Variants in LYPLAL1 observed in about 807,000 individuals in gnomAD.
LYPLAL1 encodes the protein lysophospholipase like 1.
In LYPLAL1, 23 loss-of-function variants were observed where a neutral mutation model predicts 19.7. That is an observed-to-expected ratio of 1.17 (90% CI 0.84 to 1.65). The LOEUF (loss-of-function observed/expected upper bound fraction) is 1.65, where lower values mean the gene tolerates loss of function less well. LYPLAL1 is among the 40% of genes most tolerant of loss of function. The probability of loss-of-function intolerance (pLI) is 0.00; values close to 1 mark genes in which losing one functional copy is unlikely to be tolerated. For missense variants in LYPLAL1, 355 were observed against 279.4 expected (o/e 1.27, Z -1.93); for synonymous variants, 119 against 96.3 (o/e 1.24, Z -1.38).
the LYPLAL1 span, among the ~76,000 whole-genome samples, chr1:219,330,080 G>C: frequency 6.6e-6 from 1 of 152,164 alleles, no homozygotes; most frequent in Non-Finnish European, 1.5e-5. Context: ...AAGCATGTGA[G>C]TTTTGATATC....
chr1:219,418,256 G>A, the LYPLAL1 span, among the ~76,000 whole-genome samples: 1 of 152,130 alleles, frequency 6.6e-6, no homozygotes, highest in Admixed American at 6.5e-5. Flanking sequence ...GTCCCCCACT[G>A]AGAGGACGGA....
chr1:219,220,174 T>TA, the LYPLAL1 span, among the ~76,000 whole-genome samples: 1 of 152,050 alleles, frequency 6.6e-6, no homozygotes, highest in African/African-American at 2.4e-5. Context: ...CTAGAGCATT[T>TA]AAAAAACATA....
At chr1:219,349,260 T>C in the LYPLAL1 span, among the ~76,000 whole-genome samples, 2 of 152,210 alleles carry the variant, frequency 1.3e-5, no homozygotes, top group Non-Finnish European at 2.9e-5. Context: ...AGGATGGTTA[T>C]AGACATATAG....
chr1:219,189,811 AT>A (rs1182310030), intron 2 of LYPLAL1, among the ~76,000 whole-genome samples: 129 of 151,792 alleles, frequency 8.5e-4, no homozygotes, highest in East Asian at 3.1e-3. Context: ...TTCCAAAAGG[AT>A]TTTTTAAGGA....
Position 219,210,630 on chromosome 1 carries a change from G to T in LYPLAL1, c.460G>T (p.Ala154Ser). 1 of 1,607,604 alleles carries T rather than the reference G, an allele frequency of 6.2e-7. No homozygotes were observed. The highest frequency in any genetic ancestry group is 8.5e-7 in the Non-Finnish European group (1 of 1,176,764). ...VFALSSFLNK[A>S]SAVYQALQKS... Reference sequence around the variant, plus strand: ...TGCTCTTTCTAGTTTTCTGAATAAAGCATCTGCTGTTTACCAGGTAAGTTC... The same window carrying T: ...TGCTCTTTCTAGTTTTCTGAATAAATCATCTGCTGTTTACCAGGTAAGTTC... Residue 154 changes from alanine to serine, a missense_variant, in exon 4 of 5, where the codon GCA becomes TCA. Transcript: ENST00000366928.
chr1:219,312,637 G>A, the LYPLAL1 span, among the ~76,000 whole-genome samples: 2 of 152,078 alleles, frequency 1.3e-5, no homozygotes, highest in Non-Finnish European at 2.9e-5. Flanking sequence ...GGCAACTAGG[G>A]GCTCTCTACC....
chr1:219,418,931 A>T, the LYPLAL1 span, among the ~76,000 whole-genome samples: 6 of 152,274 alleles, frequency 3.9e-5, no homozygotes, highest in African/African-American at 9.6e-5. Flanking sequence ...GGCTTCTTTT[A>T]TTCAGTAATA....
At chr1:219,205,151 A>T (rs951679824) in intron 3 of LYPLAL1, among the ~76,000 whole-genome samples, 1 of 151,824 alleles carries the variant, frequency 6.6e-6, no homozygotes, top group African/African-American at 2.4e-5. Context: ...AGGTCAGGAG[A>T]TCGAGACCAT....
the LYPLAL1 span, among the ~76,000 whole-genome samples, chr1:219,412,291 T>C: frequency 3.9e-5 from 6 of 152,160 alleles, no homozygotes; most frequent in African/African-American, 1.4e-4. Context: ...CCTCCCAAAG[T>C]GCTGAGATTA....
chr1:219,223,416 T>C, the LYPLAL1 span, among the ~76,000 whole-genome samples: 36 of 152,346 alleles, frequency 2.4e-4, no homozygotes, highest in South Asian at 1.9e-3. Flanking sequence ...TTCTTTGTTT[T>C]CTAGCCCTTG....
the LYPLAL1 span, among the ~76,000 whole-genome samples, chr1:219,233,476 G>A: frequency 6.6e-6 from 1 of 152,118 alleles, no homozygotes; most frequent in South Asian, 2.1e-4. Context: ...TGGTTAAGAT[G>A]GTAAATTTTG....
At chr1:219,374,915 C>A in the LYPLAL1 span, among the ~76,000 whole-genome samples, 1 of 152,186 alleles carries the variant, frequency 6.6e-6, no homozygotes, top group African/African-American at 2.4e-5. Context: ...AAAACCCAGC[C>A]CCAAATTACT....
chr1:219,176,521 A>G (rs886228269), intron 1 of LYPLAL1, among the ~76,000 whole-genome samples: 6 of 152,188 alleles, frequency 3.9e-5, no homozygotes, highest in African/African-American at 1.4e-4. Flanking sequence ...GTGAACTGTC[A>G]TCTGCATTCA....
the LYPLAL1 span, among the ~76,000 whole-genome samples, chr1:219,400,699 C>T: frequency 6.6e-6 from 1 of 152,080 alleles, no homozygotes; most frequent in Non-Finnish European, 1.5e-5. Context: ...GGGGTTTCAC[C>T]ATTTTGGCCA....
At chr1:219,281,676 AG>A in the LYPLAL1 span, among the ~76,000 whole-genome samples, 7 of 152,164 alleles carry the variant, frequency 4.6e-5, no homozygotes, top group Non-Finnish European at 1.0e-4. Flanking sequence ...GGAGAAGTCT[AG>A]GAAGAATGAA....
At chr1:219,179,404 A>G (rs767514335) in intron 2 of LYPLAL1, 158 bp downstream of exon 2, 2 of 605,112 alleles carry the variant, frequency 3.3e-6, no homozygotes, top group East Asian at 6.4e-5. Flanking sequence ...TTGCAGTTAC[A>G]CTGTTGGACC....
the LYPLAL1 span, among the ~76,000 whole-genome samples, chr1:219,280,011 A>G: frequency 6.6e-6 from 1 of 152,236 alleles, no homozygotes; most frequent in African/African-American, 2.4e-5. Flanking sequence ...TACATATATA[A>G]CAAACGTTTC....
chr1:219,174,774 A>G (rs1007848671), intron 1 of LYPLAL1, among the ~76,000 whole-genome samples: 6 of 152,156 alleles, frequency 3.9e-5, no homozygotes, highest in African/African-American at 1.2e-4. Flanking sequence ...GCCCAGGGTA[A>G]GCTCTCAGGA....
the LYPLAL1 span, among the ~76,000 whole-genome samples, chr1:219,366,629 T>G: frequency 6.6e-6 from 1 of 152,196 alleles, no homozygotes; most frequent in African/African-American, 2.4e-5. Context: ...GCTTTAGCTG[T>G]GAAAACGTAC....
Sources: gnomAD v4.1 joint callset for allele counts (sites outside exome capture counted in the v4.1 genomes callset) on GRCh38, gnomAD v4.1.1 for gene constraint, MANE v1.5 for transcripts, NCBI Gene and HGNC (gene_info 2026-07-23, HGNC 2026-07-21) for gene names.